HMBOX1: variants seen among roughly 807,000 people sequenced by gnomAD.
HMBOX1 encodes homeobox containing 1, also known as homeobox-containing protein 1.
In HMBOX1, 14 loss-of-function variants were observed where a neutral mutation model predicts 54.5. That is an observed-to-expected ratio of 0.26 (90% CI 0.17 to 0.40). The LOEUF (loss-of-function observed/expected upper bound fraction) is 0.40. Ranked by LOEUF, HMBOX1 falls within the 10% of genes least tolerant of loss-of-function variation. HMBOX1 has a pLI of 1.00. For synonymous variants in HMBOX1, 160 were observed against 181.0 expected (o/e 0.88, Z 0.93); for missense variants, 332 against 514.4 (o/e 0.65, Z 3.43).
At position 29,052,409 on chromosome 8, in the gene HMBOX1, G is replaced by C. The variant is rs1806523340; in HGVS notation, c.*1254G>C. Reference sequence around the variant, plus strand: ...TTATTTAATAATTGGAAGCCATATTGATAATGGATGTGGTAATATTTGTAA... The same window carrying C: ...TTATTTAATAATTGGAAGCCATATTCATAATGGATGTGGTAATATTTGTAA... On this transcript the variant is annotated 3_prime_UTR_variant, in exon 10 of 10. Coordinates refer to ENST00000287701, the MANE Select transcript of HMBOX1 (RefSeq NM_001135726.3). The C allele has an allele frequency of 6.6e-6, 1 of 152,204 alleles. No homozygotes were observed. Among genetic ancestry groups the C allele is most frequent in the African/African-American group, 2.4e-5 (1 of 41,448 alleles). 9.4% of individuals were successfully genotyped at this position (152,204 alleles called of 1,614,324 possible). A position where few individuals can be genotyped will look rare whatever the true frequency, so the allele number is the denominator to read the frequency against.
chr8:28,936,489 G>A lies in HMBOX1; in HGVS notation c.-57-27322G>A, dbSNP rs558152684. ...TACTTTTTGCCTAGAAATTTCCTCC[G>A]TGTACTTTTTTAATTGTGGTGAGAT... is the stretch of plus-strand genomic sequence containing the variant. On this transcript the variant is annotated intron_variant, in intron 1 of 9. Coordinates refer to ENST00000287701, the MANE Select transcript of HMBOX1 (RefSeq NM_001135726.3). Among the ~76,000 whole-genome samples, 12 of 151,686 alleles carry A rather than the reference G, an allele frequency of 7.9e-5. No homozygotes were observed. In the South Asian group the frequency reaches 8.3e-4, roughly 11 times the overall value.
At chr8:29,013,358 ACTC>A (rs1834468038) in intron 5 of HMBOX1, among the ~76,000 whole-genome samples, 1 of 151,040 alleles carries the variant, frequency 6.6e-6, no homozygotes, top group African/African-American at 2.4e-5. Flanking sequence ...CTGGTCTTGA[ACTC>A]CTGACCTCGT....
intron 1 of HMBOX1, among the ~76,000 whole-genome samples, chr8:28,905,580 G>T (rs775404539): frequency 6.6e-6 from 1 of 152,164 alleles, no homozygotes; most frequent in African/African-American, 2.4e-5. Context: ...AAATCTTTAG[G>T]TATTTGGGAT....
chr8:28,956,439 C>A (rs1345661460), intron 1 of HMBOX1, among the ~76,000 whole-genome samples: 1 of 151,742 alleles, frequency 6.6e-6, no homozygotes, highest in African/African-American at 2.4e-5. Context: ...AGATGTATTA[C>A]TATGATTTAT....
At position 28,969,463 on chromosome 8, in the gene HMBOX1, A is replaced by AT. The variant is rs968401117; in HGVS notation, c.24-569dup. On this transcript the variant is annotated intron_variant, in intron 2 of 9. Coordinates refer to ENST00000287701, the MANE Select transcript of HMBOX1 (RefSeq NM_001135726.3). ...CTAAGTAGTGAATGAAATGGTGCTT[A>AT]TTTTTTTTTTTAATGTACCTCTGTT... Among the ~76,000 whole-genome samples, 32 of 146,788 alleles carry AT rather than the reference A, an allele frequency of 2.2e-4. 1 individual carries two copies. The highest frequency in any genetic ancestry group is 4.3e-4 in the South Asian group (2 of 4,654).
rs1193562968 is a variant in HMBOX1, at chr8:29,018,922, C to G, written c.851+9C>G. The G allele has an allele frequency of 6.2e-7, 1 of 1,613,386 alleles. No individual in the cohort carries two copies. The highest frequency in any genetic ancestry group is 8.5e-7 in the Non-Finnish European group (1 of 1,179,550). ...CTGGCTGTTATGGAAAGGTATGTGT[C>G]TCCTTTTTCTACGAATGATCTCCCA... On this transcript the variant is annotated intron_variant, in intron 6 of 9. Coordinates refer to ENST00000287701, the MANE Select transcript of HMBOX1 (RefSeq NM_001135726.3).
intron 1 of HMBOX1, among the ~76,000 whole-genome samples, chr8:28,893,728 A>G (rs1585593099): frequency 6.6e-6 from 1 of 152,184 alleles, no homozygotes; most frequent in African/African-American, 2.4e-5. Context: ...GCTTATGGCA[A>G]TTTTTGTGGC....
intron 1 of HMBOX1, among the ~76,000 whole-genome samples, chr8:28,911,615 C>G (rs1271916323): frequency 2.0e-5 from 3 of 152,086 alleles, no homozygotes; most frequent in Non-Finnish European, 4.4e-5. Flanking sequence ...CTCGGCCTCC[C>G]AAAATGCTGG....
intron 1 of HMBOX1, among the ~76,000 whole-genome samples, chr8:28,900,794 T>G (rs908672122): frequency 1.3e-5 from 2 of 152,094 alleles, no homozygotes; most frequent in Non-Finnish European, 2.9e-5. Flanking sequence ...GCGAGTTTTT[T>G]TTGTTTGTTT....
chr8:28,921,740 C>G (rs1338624744), intron 1 of HMBOX1, among the ~76,000 whole-genome samples: 1 of 152,106 alleles, frequency 6.6e-6, no homozygotes, highest in Non-Finnish European at 1.5e-5. Flanking sequence ...ACATAGGAAG[C>G]TTATAAAAAT....
At chr8:29,045,913 A>AGAT (rs1805501792) in intron 7 of HMBOX1, among the ~76,000 whole-genome samples, 2 of 152,214 alleles carry the variant, frequency 1.3e-5, no homozygotes, top group South Asian at 4.1e-4. Context: ...TTCCACATTG[A>AGAT]GATGACTTCT....
chr8:29,012,476 G>A (rs1834347124), intron 5 of HMBOX1, among the ~76,000 whole-genome samples: 2 of 152,128 alleles, frequency 1.3e-5, no homozygotes, highest in South Asian at 2.1e-4. Flanking sequence ...TATATGAGGT[G>A]ATATGGAATT....
At chr8:29,003,280 T>G (rs1262670821) in intron 4 of HMBOX1, among the ~76,000 whole-genome samples, 1 of 151,854 alleles carries the variant, frequency 6.6e-6, no homozygotes, top group Non-Finnish European at 1.5e-5. Flanking sequence ...CATTGCATCA[T>G]AATTTATAAT....
intron 6 of HMBOX1, among the ~76,000 whole-genome samples, chr8:29,043,898 G>A (rs1483626601): frequency 1.3e-5 from 2 of 152,144 alleles, no homozygotes; most frequent in Non-Finnish European, 2.9e-5. Flanking sequence ...AGAAATGATA[G>A]GAGAAAATCA....
chr8:29,030,780 GCT>G (rs991063511), intron 6 of HMBOX1, among the ~76,000 whole-genome samples: 10 of 152,150 alleles, frequency 6.6e-5, no homozygotes, highest in South Asian at 2.1e-4. Flanking sequence ...CCATAACTAA[GCT>G]CTGGCAGAAG....
chr8:28,978,024 A>T (rs756787745), intron 3 of HMBOX1, among the ~76,000 whole-genome samples: 14 of 152,196 alleles, frequency 9.2e-5, no homozygotes, highest in Non-Finnish European at 1.6e-4. Context: ...CAGAATCTAG[A>T]TCAGTATGAG....
intron 2 of HMBOX1, among the ~76,000 whole-genome samples, chr8:28,966,713 G>A (rs1826497377): frequency 6.6e-6 from 1 of 152,180 alleles, no homozygotes; most frequent in Non-Finnish European, 1.5e-5. Context: ...CGTTTTCTCA[G>A]TAAAATATTG....
intron 9 of HMBOX1, chr8:29,049,425 G>T (rs1331135137): frequency 6.6e-7 from 1 of 1,520,996 alleles, no homozygotes; most frequent in Non-Finnish European, 8.8e-7. Context: ...CACACACTCA[G>T]TGTTTGAGAA....
chr8:28,948,984 T>C (rs1369252449), intron 1 of HMBOX1, among the ~76,000 whole-genome samples: 2 of 152,122 alleles, frequency 1.3e-5, no homozygotes, highest in Non-Finnish European at 2.9e-5. Flanking sequence ...AGAGTAGAGG[T>C]TTCAAAGCCA....
Sources: gnomAD v4.1 joint callset for allele counts (sites outside exome capture counted in the v4.1 genomes callset) on GRCh38, gnomAD v4.1.1 for gene constraint, MANE v1.5 for transcripts, NCBI Gene and HGNC (gene_info 2026-07-23, HGNC 2026-07-21) for gene names.